RBFOX1: variants seen among roughly 807,000 people sequenced by gnomAD.
RBFOX1 encodes RNA binding protein fox-1 homolog 1.
In RBFOX1, 8 loss-of-function variants were observed where a neutral mutation model predicts 57.7. The observed-to-expected ratio is 0.14, with a 90% CI of 0.08 to 0.25. RBFOX1 has a LOEUF of 0.25. Among genes scored for constraint, RBFOX1 ranks in the 10% least tolerant of loss-of-function variants. RBFOX1 has a pLI of 1.00. For missense variants in RBFOX1, 611 were observed against 548.5 expected (o/e 1.11, Z -1.14); for synonymous variants, 326 against 222.4 (o/e 1.47, Z -4.15).
chr16:7,091,047 C>T (rs1013333003), intron 4 of RBFOX1, among the ~76,000 whole-genome samples: 5 of 152,322 alleles, frequency 3.3e-5, no homozygotes, highest in Admixed American at 2.6e-4. Flanking sequence ...AATTCCTCTG[C>T]CACTCAAGTC....
intron 3 of RBFOX1, among the ~76,000 whole-genome samples, chr16:7,045,219 A>ATGG (rs1346866686): frequency 6.6e-6 from 1 of 152,106 alleles, no homozygotes; most frequent in Non-Finnish European, 1.5e-5. Flanking sequence ...TAGGTGGAGT[A>ATGG]TGGTGGTGGT....
chr16:5,430,403 G>C (rs1413404507), intron 1 of RBFOX1, among the ~76,000 whole-genome samples: 1 of 152,202 alleles, frequency 6.6e-6, no homozygotes, highest in Non-Finnish European at 1.5e-5. Flanking sequence ...AACAGTGGGA[G>C]GGAGAGGTGC....
intron 3 of RBFOX1, among the ~76,000 whole-genome samples, chr16:5,793,638 G>C (rs2054778646): frequency 6.6e-6 from 1 of 152,234 alleles, no homozygotes; most frequent in African/African-American, 2.4e-5. Flanking sequence ...TCACAAAGCA[G>C]TGAGGAACCC....
At chr16:5,998,446 A>C (rs2060527641) in intron 4 of RBFOX1, among the ~76,000 whole-genome samples, 1 of 152,212 alleles carries the variant, frequency 6.6e-6, no homozygotes, top group African/African-American at 2.4e-5. Context: ...GGGCAAGCGA[A>C]CTTCTATCTT....
chr16:5,488,719 G>A (rs943561196), intron 2 of RBFOX1, among the ~76,000 whole-genome samples: 3 of 151,180 alleles, frequency 2.0e-5, no homozygotes, highest in African/African-American at 7.3e-5. Context: ...TGGTGCTGGT[G>A]GGGTGCGATG....
chr16:5,884,494 C>T (rs2057848255), intron 4 of RBFOX1, among the ~76,000 whole-genome samples: 1 of 132,290 alleles, frequency 7.6e-6, no homozygotes, highest in South Asian at 2.7e-4. Flanking sequence ...GGCTAGGGTA[C>T]ACAGCTGGAC....
chr16:6,706,226 A>G (rs893900387), intron 3 of RBFOX1, among the ~76,000 whole-genome samples: 1 of 152,204 alleles, frequency 6.6e-6, no homozygotes, highest in African/African-American at 2.4e-5. Context: ...TCACAACAGC[A>G]GTGGCTTTCC....
chr16:7,609,111 G>A (rs1230254815), intron 10 of RBFOX1, among the ~76,000 whole-genome samples: 1 of 152,172 alleles, frequency 6.6e-6, no homozygotes, highest in Non-Finnish European at 1.5e-5. Context: ...CCATGTGTCC[G>A]CAGCAGGCAC....
chr16:7,560,056 G>A (rs912017717), intron 5 of RBFOX1, among the ~76,000 whole-genome samples: 1 of 152,214 alleles, frequency 6.6e-6, no homozygotes, highest in African/African-American at 2.4e-5. Flanking sequence ...GGGTCACTCT[G>A]GGATGGGGCC....
At chr16:7,588,050 G>A (rs1392378749) in intron 7 of RBFOX1, among the ~76,000 whole-genome samples, 2 of 152,138 alleles carry the variant, frequency 1.3e-5, no homozygotes, top group African/African-American at 4.8e-5. Flanking sequence ...GTGGTGGCAT[G>A]TGCCTGTAAT....
At chr16:5,681,372 C>T (rs1334302639) in intron 3 of RBFOX1, among the ~76,000 whole-genome samples, 4 of 150,786 alleles carry the variant, frequency 2.7e-5, no homozygotes, top group African/African-American at 7.3e-5. Context: ...GCATGAGCTA[C>T]CGTGCCCAGC....
intron 5 of RBFOX1, among the ~76,000 whole-genome samples, chr16:7,528,282 C>T (rs548575178): frequency 6.6e-6 from 1 of 152,314 alleles, no homozygotes; most frequent in South Asian, 2.1e-4. Flanking sequence ...CTTATTCACA[C>T]CTGTATTTAT....
chr16:6,792,308 C>G (rs79452082), intron 3 of RBFOX1, among the ~76,000 whole-genome samples: 1 of 152,136 alleles, frequency 6.6e-6, no homozygotes, highest in Admixed American at 6.5e-5. Flanking sequence ...GAAAACGTTG[C>G]TCAGGATGAT....
chr16:7,027,292 G>A (rs948258393), intron 3 of RBFOX1, among the ~76,000 whole-genome samples: 1 of 152,194 alleles, frequency 6.6e-6, no homozygotes, highest in Non-Finnish European at 1.5e-5. Context: ...TTTAGGGTAA[G>A]TTAATTACAT....
intron 4 of RBFOX1, among the ~76,000 whole-genome samples, chr16:7,514,282 C>T (rs2075856202): frequency 6.6e-6 from 1 of 152,176 alleles, no homozygotes; most frequent in Non-Finnish European, 1.5e-5. Context: ...AGGTTTGCCT[C>T]ATGAGTCGTT....
chr16:7,070,352 G>C (rs1377328912), intron 4 of RBFOX1, among the ~76,000 whole-genome samples: 1 of 152,186 alleles, frequency 6.6e-6, no homozygotes, highest in Non-Finnish European at 1.5e-5. Context: ...ATGGAGGCAT[G>C]ATTTTGGAAA....
chr16:7,070,438 T>C (rs776358069), intron 4 of RBFOX1, among the ~76,000 whole-genome samples: 7 of 152,170 alleles, frequency 4.6e-5, no homozygotes, highest in Admixed American at 2.6e-4. Context: ...AACTTAGAGA[T>C]TTAAATATTT....
intron 4 of RBFOX1, among the ~76,000 whole-genome samples, chr16:5,925,534 T>C (rs1033008143): frequency 6.6e-6 from 1 of 152,170 alleles, no homozygotes; most frequent in African/African-American, 2.4e-5. Context: ...TGATTAGTGG[T>C]TGAACAGGAA....
intron 1 of RBFOX1, among the ~76,000 whole-genome samples, chr16:5,285,897 G>C (rs11644743): frequency 0.12 from 18,646 of 152,074 alleles, 1,444 homozygotes; most frequent in Non-Finnish European, 0.17. Context: ...TCAGCCTCCT[G>C]AGTAGCTGGG....
Sources: gnomAD v4.1 joint callset for allele counts (sites outside exome capture counted in the v4.1 genomes callset) on GRCh38, gnomAD v4.1.1 for gene constraint, MANE v1.5 for transcripts, NCBI Gene and HGNC (gene_info 2026-07-23, HGNC 2026-07-21) for gene names.